The following COL25A1 variants were observed in gnomAD, a reference collection of about 807,000 sequenced individuals.
COL25A1 encodes the protein collagen alpha-1(XXV) chain.
In COL25A1, 103 loss-of-function variants were observed where a neutral mutation model predicts 128.4. The ratio of observed to expected loss-of-function variants is 0.80; its 90% CI spans 0.68 to 0.94. COL25A1 has a LOEUF of 0.94. COL25A1 is among the 40% of genes least tolerant of loss of function. COL25A1 has a pLI of 0.00. For synonymous variants in COL25A1, 279 were observed against 277.2 expected, an observed-to-expected ratio of 1.01 and a Z score of -0.06; for missense variants, 745 against 840.0, an observed-to-expected ratio of 0.89 and a Z score of 1.40.
intron 6 of COL25A1, among the ~76,000 whole-genome samples, chr4:108,981,752 G>A (rs961779139): frequency 1.3e-5 from 2 of 152,084 alleles, no homozygotes; most frequent in Non-Finnish European, 2.9e-5. Context: ...AATGCCCACT[G>A]TTTGGCTAAA....
intron 3 of COL25A1, among the ~76,000 whole-genome samples, chr4:109,061,219 G>A (rs1761940218): frequency 6.6e-6 from 1 of 152,152 alleles, no homozygotes; most frequent in Admixed American, 6.5e-5. Flanking sequence ...TAATAGAGGA[G>A]TGACAATCCT....
At position 108,811,191 on chromosome 4, in the gene COL25A1, G is replaced by A. The variant is rs1055377864; in HGVS notation, c.*2736C>T. Reference sequence around the variant, plus strand: ...TCTCTATATGACAAAATGGATGCTTGAAAACATTGTAGTAACCAAAAGTTA... The same window carrying A: ...TCTCTATATGACAAAATGGATGCTTAAAAACATTGTAGTAACCAAAAGTTA... On this transcript the variant is annotated 3_prime_UTR_variant, in exon 38 of 38. Transcript: ENST00000399132. The A allele has an allele frequency of 3.3e-5, 5 of 152,104 alleles. No individual in the cohort carries two copies. The highest frequency in any genetic ancestry group is 1.2e-4 in the African/African-American group (5 of 41,554). 9.4% of individuals were successfully genotyped at this position (152,104 alleles called of 1,614,324 possible).
intron 3 of COL25A1, among the ~76,000 whole-genome samples, chr4:109,149,993 TGTGTGG>T (rs966242109): frequency 2.3e-4 from 34 of 146,020 alleles, no homozygotes; most frequent in Admixed American, 9.9e-4. Flanking sequence ...TATGTGTGTA[TGTGTGG>T]GTGTGTGTGT....
chr4:109,231,959 T>C (rs1192087517), intron 3 of COL25A1, among the ~76,000 whole-genome samples: 1 of 152,200 alleles, frequency 6.6e-6, no homozygotes, highest in African/African-American at 2.4e-5. Context: ...TTATATACAA[T>C]TACTCAACAT....
intron 3 of COL25A1, among the ~76,000 whole-genome samples, chr4:109,131,847 T>C (rs1304256809): frequency 6.6e-6 from 1 of 152,186 alleles, no homozygotes; most frequent in Admixed American, 6.5e-5. Context: ...AGGATAAGCA[T>C]GCGCTGTTGC....
intron 5 of COL25A1, among the ~76,000 whole-genome samples, chr4:109,038,747 G>A (rs1759587843): frequency 6.6e-6 from 1 of 152,148 alleles, no homozygotes; most frequent in South Asian, 2.1e-4. Context: ...GTTCAAAACA[G>A]AAATCTTTGC....
chr4:109,264,410 G>T (rs188691075), intron 3 of COL25A1, among the ~76,000 whole-genome samples: 1 of 152,198 alleles, frequency 6.6e-6, no homozygotes, highest in African/African-American at 2.4e-5. Context: ...TGGAGTGGGG[G>T]AAACTCATTG....
chr4:109,097,393 C>A (rs1765486893), intron 3 of COL25A1, among the ~76,000 whole-genome samples: 2 of 150,456 alleles, frequency 1.3e-5, no homozygotes, highest in Non-Finnish European at 3.0e-5. Context: ...TCACTTGAGA[C>A]CAGGAGTTTG....
chr4:109,000,455 T>C (rs1316352075), intron 6 of COL25A1, among the ~76,000 whole-genome samples: 1 of 152,086 alleles, frequency 6.6e-6, no homozygotes, highest in Non-Finnish European at 1.5e-5. Flanking sequence ...TAAAGTGTTA[T>C]ATAAAAAGTG....
At chr4:109,106,165 T>G (rs567878551) in intron 3 of COL25A1, among the ~76,000 whole-genome samples, 14 of 152,244 alleles carry the variant, frequency 9.2e-5, no homozygotes, top group Admixed American at 7.9e-4. Context: ...CTATACAAAT[T>G]ATCTTTCTCT....
intron 5 of COL25A1, among the ~76,000 whole-genome samples, chr4:109,042,994 T>C (rs1760066241): frequency 6.6e-6 from 1 of 152,092 alleles, no homozygotes; most frequent in Non-Finnish European, 1.5e-5. Context: ...CTTACTTGCC[T>C]GAAAAACATC....
At chr4:108,923,984 C>A (rs72668375) in intron 11 of COL25A1, among the ~76,000 whole-genome samples, 29,549 of 152,018 alleles carry the variant, frequency 0.19, 3,033 homozygotes, top group Non-Finnish European at 0.22. Context: ...AACATAATTT[C>A]TTTGCATATA....
chr4:108,946,498 T>C, intron 8 of COL25A1, among the ~76,000 whole-genome samples: 1 of 152,214 alleles, frequency 6.6e-6, no homozygotes, highest in East Asian at 1.9e-4. Flanking sequence ...GTTTAAATAT[T>C]AGAAAGCTTT....
intron 3 of COL25A1, among the ~76,000 whole-genome samples, chr4:109,188,768 T>C (rs777344918): frequency 3.9e-5 from 6 of 152,136 alleles, no homozygotes. Context: ...AGGAAACATC[T>C]AAACATTATC....
intron 3 of COL25A1, among the ~76,000 whole-genome samples, chr4:109,113,820 C>T (rs1767267777): frequency 6.6e-6 from 1 of 152,058 alleles, no homozygotes; most frequent in Non-Finnish European, 1.5e-5. Context: ...CTCTAAATAA[C>T]AGATAGACTT....
At chr4:108,882,217 T>C (rs1468527621) in intron 19 of COL25A1, among the ~76,000 whole-genome samples, 2 of 151,570 alleles carry the variant, frequency 1.3e-5, no homozygotes, top group Non-Finnish European at 2.9e-5. Context: ...TGATGGAGGA[T>C]ATAAGACTAA....
chr4:108,864,680 G>T lies in COL25A1; in HGVS notation c.1084-1293C>A, dbSNP rs557043612. ...ATCCCTGTTGGTATCTATTATTGTGGATTGGATCCCTGGAGGTGAGACTTG... is the reference window on the plus strand; with the variant it reads ...ATCCCTGTTGGTATCTATTATTGTGTATTGGATCCCTGGAGGTGAGACTTG... On this transcript the variant is annotated intron_variant, in intron 20 of 37. Transcript: ENST00000399132. Among the ~76,000 whole-genome samples the T allele has an allele frequency of 8.0e-4, 122 of 152,288 alleles. 1 individual carries two copies. The highest frequency in any genetic ancestry group is 6.8e-3 in the Middle Eastern group (2 of 294).
In COL25A1 at chr4:108,929,111, G is replaced by A. The variant is rs192486103; in HGVS notation, c.709-8507C>T. On this transcript the variant is annotated intron_variant, in intron 11 of 37. Coordinates refer to ENST00000399132, the MANE Select transcript of COL25A1 (RefSeq NM_198721.4). ...CATATGGTGTGACTAGAAATTGGTTGTTTCTTTTTTGTTTTGTTTTGTTTT... is the reference window on the plus strand; with the variant it reads ...CATATGGTGTGACTAGAAATTGGTTATTTCTTTTTTGTTTTGTTTTGTTTT... 1.7e-3 allele frequency among the ~76,000 whole-genome samples: 260 copies of A among 151,632 alleles called. 1 individual carries two copies. The highest frequency in any genetic ancestry group is 6.0e-3 in the African/African-American group (249 of 41,200).
chr4:109,152,169 T>A (rs2704108), intron 3 of COL25A1, among the ~76,000 whole-genome samples: 1 of 151,738 alleles, frequency 6.6e-6, no homozygotes, highest in Admixed American at 6.6e-5. Context: ...GTATGTATTA[T>A]GGAAAAAACA....
Sources: allele counts gnomAD v4.1 joint callset (sites outside exome capture counted in the v4.1 genomes callset), GRCh38; gene constraint gnomAD v4.1.1; transcripts MANE v1.5; gene names NCBI Gene and HGNC (gene_info 2026-07-23, HGNC 2026-07-21).